The following MTAP variants were observed in gnomAD, a reference collection of about 807,000 sequenced individuals.
MTAP encodes the protein S-methyl-5'-thioadenosine phosphorylase.
A neutral mutation model predicts 33.6 loss-of-function variants in MTAP; 33 were observed. That is an observed-to-expected ratio of 0.98 (90% CI 0.74 to 1.31). The LOEUF is 1.31. Among genes scored for constraint, MTAP ranks in the 40% most tolerant of loss-of-function variants. The pLI is 0.00. For synonymous variants in MTAP, 148 were observed against 125.7 expected, an observed-to-expected ratio of 1.18 and a Z score of -1.19; for missense variants, 367 against 360.0, an observed-to-expected ratio of 1.02 and a Z score of -0.16.
intron 1 of MTAP, among the ~76,000 whole-genome samples, chr9:21,924,890 T>G (rs1253777736): frequency 1.3e-5 from 2 of 152,218 alleles, no homozygotes; most frequent in African/African-American, 4.8e-5. Flanking sequence ...GACAAATGCA[T>G]CAAAGGGTTC....
intron 5 of MTAP, among the ~76,000 whole-genome samples, chr9:21,849,373 T>C (rs1394118586): frequency 6.6e-6 from 1 of 152,178 alleles, no homozygotes; most frequent in East Asian, 1.9e-4. Flanking sequence ...TGTCATGTGG[T>C]CCTCCAGTTA....
At chr9:21,861,269 G>T (rs1479239012) in intron 7 of MTAP, 1 of 151,952 alleles carries the variant, frequency 6.6e-6, no homozygotes, top group South Asian at 2.1e-4. Context: ...TTTTAAAGAG[G>T]CTTAGTTTAC....
chr9:21,845,280 C>T (rs920752062), intron 5 of MTAP, among the ~76,000 whole-genome samples: 4 of 152,084 alleles, frequency 2.6e-5, no homozygotes, highest in Non-Finnish European at 5.9e-5. Flanking sequence ...ACCTAGAAAA[C>T]CCTAAAGACT....
rs565354236 is a variant in MTAP at position 21,872,745 on chromosome 9, T to C, written c.147+17875T>C. On this transcript the variant is annotated intron_variant, in intron 1 of 1. Coordinates refer to the MTAP transcript ENST00000577563. ...GCAAGCATTAATGACCCTTTTTTTCTGTGCCAGATTGGAGGAGAAAAGAGA... is the reference window on the plus strand; with the variant it reads ...GCAAGCATTAATGACCCTTTTTTTCCGTGCCAGATTGGAGGAGAAAAGAGA... Among the ~76,000 whole-genome samples, 21 of 152,250 alleles carry C rather than the reference T, an allele frequency of 1.4e-4. 1 individual carries two copies. The South Asian group carries it at 4.4e-3, about 32-fold the overall frequency.
At chr9:21,806,634 C>T (rs1240515962) in intron 1 of MTAP, among the ~76,000 whole-genome samples, 2 of 152,028 alleles carry the variant, frequency 1.3e-5, no homozygotes, top group African/African-American at 4.8e-5. Flanking sequence ...GAGGATATTA[C>T]CTGGGGGGTA....
At position 21,865,065 on chromosome 9, in the gene MTAP, C is replaced by G. The variant is rs557436260; in HGVS notation, c.*3051C>G. On this transcript the variant is annotated 3_prime_UTR_variant, in exon 8 of 8. Transcript: ENST00000644715. Reference sequence around the variant, plus strand: ...GGAGTTCTTGCCACATTTGCAGAGTCCCTCCTTGATAAGGTTTGGCGGTGT... The same window carrying G: ...GGAGTTCTTGCCACATTTGCAGAGTGCCTCCTTGATAAGGTTTGGCGGTGT... 7 of 985,386 alleles carry G rather than the reference C, an allele frequency of 7.1e-6. No homozygotes were observed. In the South Asian group the frequency reaches 2.4e-4, roughly 33 times the overall value. 61.0% of individuals were successfully genotyped at this position (985,386 alleles called of 1,614,324 possible).
At chr9:21,925,064 C>G (rs964167463) in intron 1 of MTAP, among the ~76,000 whole-genome samples, 7 of 152,246 alleles carry the variant, frequency 4.6e-5, no homozygotes, top group Non-Finnish European at 7.3e-5. Context: ...TGGGCCACCA[C>G]AGTTCACTGG....
chr9:21,906,224 A>G (rs763633188), intron 1 of MTAP, among the ~76,000 whole-genome samples: 9 of 152,264 alleles, frequency 5.9e-5, no homozygotes, highest in Admixed American at 1.3e-4. Flanking sequence ...TATCAGCTCA[A>G]ATTTCCAAAT....
chr9:21,874,972 C>T (rs1293949099), intron 1 of MTAP, among the ~76,000 whole-genome samples: 1 of 152,034 alleles, frequency 6.6e-6, no homozygotes, highest in Non-Finnish European at 1.5e-5. Context: ...ATGATGGTTT[C>T]CAGCTTCATC....
At chr9:21,910,283 A>G (rs150032264) in intron 1 of MTAP, among the ~76,000 whole-genome samples, 81 of 152,308 alleles carry the variant, frequency 5.3e-4, no homozygotes, top group East Asian at 3.9e-4. Context: ...AAGAGTTTGT[A>G]TCTTAGCATG....
At chr9:21,868,932 G>A (rs764835596), downstream of MTAP, among the ~76,000 whole-genome samples, 21 of 152,118 alleles carry the variant, frequency 1.4e-4, no homozygotes, top group Non-Finnish European at 2.1e-4. Context: ...TTTCCAACAA[G>A]TTCCCAGATG....
chr9:21,815,441 A>T lies in MTAP; in HGVS notation c.42A>T (p.Ile14=). The stretch of plus-strand genomic sequence containing the variant: ...GTCTTTTTCTCTCTTAGATTGGAAT[A>T]ATTGGTGGAACAGGCCTGGATGATC... The part of the protein sequence containing the change: ...GTTTTAVKIG[I]IGGTGLDDPE... The change falls in exon 2 of 8, where the codon ATA becomes ATT. Residue 14 remains isoleucine, a synonymous_variant. Coordinates refer to ENST00000644715, the MANE Select transcript of MTAP (RefSeq NM_002451.4). The T allele has an allele frequency of 5.6e-6, 9 of 1,597,104 alleles. No homozygotes were observed. Among genetic ancestry groups the T allele is most frequent in the Non-Finnish European group, 7.7e-6 (9 of 1,169,582 alleles).
At chr9:21,930,543 T>G in intron 1 of MTAP, 2 of 295,088 alleles carry the variant, frequency 6.8e-6, no homozygotes, top group Non-Finnish European at 1.2e-5. Context: ...GGCCTCAGCA[T>G]TATAGCTGGT....
At chr9:21,923,710 T>G (rs77728318) in intron 1 of MTAP, among the ~76,000 whole-genome samples, 1 of 152,078 alleles carries the variant, frequency 6.6e-6, no homozygotes, top group Non-Finnish European at 1.5e-5. Context: ...GCTTAAGGAC[T>G]CTCAAGGTCA....
At chr9:21,867,552 G>A (rs542550373), downstream of MTAP, among the ~76,000 whole-genome samples, 18 of 152,028 alleles carry the variant, frequency 1.2e-4, no homozygotes, top group South Asian at 2.5e-3. Context: ...TGCTGGATTC[G>A]GTTTGCAAAT....
chr9:21,927,048 C>G (rs1377312781), intron 1 of MTAP, among the ~76,000 whole-genome samples: 4 of 152,188 alleles, frequency 2.6e-5, no homozygotes, highest in African/African-American at 9.7e-5. Context: ...TCAGGACCCA[C>G]TTCTCTGGGA....
In MTAP at chr9:21,922,297, C is replaced by T. The variant is rs931466071; in HGVS notation, c.148-8711C>T. On this transcript the variant is annotated intron_variant, in intron 1 of 1. Transcript: ENST00000577563. The surrounding 1 kb of genome is among the most constrained non-coding windows in gnomAD (Gnocchi z 4.8). ...CCACTGTGCATGTGGATGGCCCACC[C>T]CAAGGAAAAATCAAGAGTGGAGAGA... is the stretch of plus-strand genomic sequence containing the variant. 6.6e-6 allele frequency among the ~76,000 whole-genome samples: 1 copy of T among 151,810 alleles called. No homozygotes were observed. The highest frequency in any genetic ancestry group is 1.9e-4 in the East Asian group (1 of 5,176).
chr9:21,909,021 T>C (rs1477395853), intron 1 of MTAP, among the ~76,000 whole-genome samples: 1 of 152,022 alleles, frequency 6.6e-6, no homozygotes, highest in Non-Finnish European at 1.5e-5. Flanking sequence ...AACAACAAAA[T>C]TTAAGAAGAA....
At chr9:21,809,540 A>G (rs970124623) in intron 1 of MTAP, among the ~76,000 whole-genome samples, 5 of 152,000 alleles carry the variant, frequency 3.3e-5, no homozygotes, top group Non-Finnish European at 2.9e-5. Context: ...TTGGGAGACT[A>G]AGGCAGGAGA....
Sources: allele counts gnomAD v4.1 joint callset (sites outside exome capture counted in the v4.1 genomes callset), GRCh38; gene constraint gnomAD v4.1.1; non-coding constraint Gnocchi (gnomAD v3.1); transcripts MANE v1.5; gene names NCBI Gene and HGNC (gene_info 2026-07-23, HGNC 2026-07-21).